PGCKA1: variants seen among roughly 807,000 people sequenced by gnomAD.
The protein encoded by PGCKA1 is PDCD10 and GCKIII kinases associated 1.
the PGCKA1 span, among the ~76,000 whole-genome samples, chr4:37,528,105 T>C: frequency 6.6e-6 from 1 of 152,206 alleles, no homozygotes; most frequent in African/African-American, 2.4e-5. Context: ...AGTTTGTCCA[T>C]TTCCACTGAA....
chr4:37,534,460 T>TA, the PGCKA1 span, among the ~76,000 whole-genome samples: 2 of 152,234 alleles, frequency 1.3e-5, no homozygotes, highest in South Asian at 4.1e-4. Context: ...AGTTAGCTGA[T>TA]TATTGAGTAC....
At chr4:37,569,743 AACAG>A in the PGCKA1 span, among the ~76,000 whole-genome samples, 15 of 152,180 alleles carry the variant, frequency 9.9e-5, no homozygotes, top group Non-Finnish European at 2.1e-4. Flanking sequence ...AACAGAGTGA[AACAG>A]TTCCTTCTCA....
At chr4:37,583,346 C>A in the PGCKA1 span, among the ~76,000 whole-genome samples, 1 of 152,332 alleles carries the variant, frequency 6.6e-6, no homozygotes, top group South Asian at 2.1e-4. Flanking sequence ...CTTCCCCTAC[C>A]TCCATTGCTA....
At chr4:37,572,022 T>A in the PGCKA1 span, among the ~76,000 whole-genome samples, 1 of 151,256 alleles carries the variant, frequency 6.6e-6, no homozygotes, top group East Asian at 2.0e-4. Flanking sequence ...GACCTTAGAT[T>A]CACACGTTTG....
the PGCKA1 span, among the ~76,000 whole-genome samples, chr4:37,526,154 A>G: frequency 4.5e-4 from 68 of 152,236 alleles, no homozygotes; most frequent in Non-Finnish European, 8.8e-4. Context: ...CTATCGCACT[A>G]GAATTCAGCA....
the PGCKA1 span, among the ~76,000 whole-genome samples, chr4:37,529,761 C>A: frequency 6.6e-6 from 1 of 152,224 alleles, no homozygotes. Flanking sequence ...CGCCCCCTTC[C>A]CCAACCTTGA....
chr4:37,589,045 T>C, the PGCKA1 span: 1 of 573,192 alleles, frequency 1.7e-6, no homozygotes, highest in South Asian at 3.0e-5. Flanking sequence ...GGAATTGTTA[T>C]AATATCATTT....
the PGCKA1 span, among the ~76,000 whole-genome samples, chr4:37,550,185 T>G: frequency 2.6e-5 from 4 of 152,126 alleles, no homozygotes; most frequent in Non-Finnish European, 4.4e-5. Flanking sequence ...GATCACAGTC[T>G]TTGAAGTAAG....
At chr4:37,502,972 A>G in the PGCKA1 span, among the ~76,000 whole-genome samples, 6 of 152,152 alleles carry the variant, frequency 3.9e-5, no homozygotes, top group Non-Finnish European at 5.9e-5. Context: ...TTCAGGTCCA[A>G]CAGTTTCCCT....
At chr4:37,524,389 A>G in the PGCKA1 span, among the ~76,000 whole-genome samples, 2 of 151,324 alleles carry the variant, frequency 1.3e-5, no homozygotes, top group South Asian at 4.2e-4. Flanking sequence ...ATTGGGGCTG[A>G]GGATATACTT....
At chr4:37,533,470 G>A in the PGCKA1 span, among the ~76,000 whole-genome samples, 1 of 152,090 alleles carries the variant, frequency 6.6e-6, no homozygotes, top group African/African-American at 2.4e-5. Context: ...GTTTTGGATC[G>A]TTTCCACAAA....
At chr4:37,468,134 A>G in the PGCKA1 span, among the ~76,000 whole-genome samples, 1 of 152,190 alleles carries the variant, frequency 6.6e-6, no homozygotes, top group South Asian at 2.1e-4. Flanking sequence ...TTCAACTTTA[A>G]TCTGTTGATA....
chr4:37,507,088 G>A, the PGCKA1 span, among the ~76,000 whole-genome samples: 1 of 151,996 alleles, frequency 6.6e-6, no homozygotes. Context: ...TGTCTGCTAT[G>A]AGTATAGCTA....
the PGCKA1 span, among the ~76,000 whole-genome samples, chr4:37,537,872 A>G: frequency 3.5e-4 from 54 of 152,314 alleles, no homozygotes; most frequent in African/African-American, 1.3e-3. Context: ...CATTATCGTA[A>G]AATGAAGCTA....
chr4:37,509,397 A>G, the PGCKA1 span, among the ~76,000 whole-genome samples: 1 of 136,348 alleles, frequency 7.3e-6, no homozygotes, highest in East Asian at 2.1e-4. Flanking sequence ...CTCACATCCC[A>G]GACGGGGCGG....
the PGCKA1 span, among the ~76,000 whole-genome samples, chr4:37,528,765 A>G: frequency 6.6e-6 from 1 of 152,202 alleles, no homozygotes; most frequent in African/African-American, 2.4e-5. Context: ...GATCCCATAA[A>G]TGTAATTTGC....
the PGCKA1 span, among the ~76,000 whole-genome samples, chr4:37,567,282 A>G: frequency 6.6e-6 from 1 of 152,208 alleles, no homozygotes; most frequent in Non-Finnish European, 1.5e-5. Context: ...GAGTTAATAC[A>G]TGAAAGATGA....
the PGCKA1 span, among the ~76,000 whole-genome samples, chr4:37,502,882 G>C: frequency 6.6e-6 from 1 of 152,026 alleles, no homozygotes; most frequent in Non-Finnish European, 1.5e-5. Flanking sequence ...GGCCAGGATG[G>C]GACCCCAAGA....
the PGCKA1 span, among the ~76,000 whole-genome samples, chr4:37,592,546 C>A: frequency 6.6e-6 from 1 of 152,110 alleles, no homozygotes; most frequent in Non-Finnish European, 1.5e-5. Context: ...CAAGGACAAC[C>A]ATTCTAACGT....
Sources: gnomAD v4.1 joint callset for allele counts (sites outside exome capture counted in the v4.1 genomes callset) on GRCh38, gnomAD v4.1.1 for gene constraint, MANE v1.5 for transcripts, NCBI Gene and HGNC (gene_info 2026-07-23, HGNC 2026-07-21) for gene names.